FHIT: variants seen among roughly 807,000 people sequenced by gnomAD.
FHIT encodes bis(5'-adenosyl)-triphosphatase.
FHIT carries 19 observed loss-of-function variants against 17.9 expected under a neutral mutation model. That is an observed-to-expected ratio of 1.06 (90% CI 0.74 to 1.56). The LOEUF is 1.56. FHIT is among the 40% of genes most tolerant of loss of function. The probability of loss-of-function intolerance (pLI) is 0.00; values close to 1 mark genes in which losing one functional copy is unlikely to be tolerated. For missense variants in FHIT, 248 were observed against 189.2 expected, an observed-to-expected ratio of 1.31 and a Z score of -1.82; for synonymous variants, 81 against 69.7, an observed-to-expected ratio of 1.16 and a Z score of -0.81.
At chr3:60,382,768 T>C (rs1700860277) in intron 5 of FHIT, among the ~76,000 whole-genome samples, 1 of 152,148 alleles carries the variant, frequency 6.6e-6, no homozygotes, top group South Asian at 2.1e-4. Context: ...AAGAACTGTA[T>C]ACAACATATC....
At chr3:60,039,589 T>C (rs980657149) in intron 5 of FHIT, among the ~76,000 whole-genome samples, 2 of 152,362 alleles carry the variant, frequency 1.3e-5, no homozygotes, top group South Asian at 4.1e-4. Context: ...ATTGTATGTA[T>C]AAAGATGCAC....
chr3:60,904,774 T>C lies in FHIT; in HGVS notation c.-110-82763A>G, dbSNP rs543330760. On this transcript the variant is annotated intron_variant, in intron 3 of 9. Coordinates refer to ENST00000492590, the MANE Select transcript of FHIT (RefSeq NM_002012.4). ...GGCCAAGATGGTGAAACCCCATCTC[T>C]ACTAAAAATACAAAAATCAGCCAGG... 7.2e-5 allele frequency among the ~76,000 whole-genome samples: 11 copies of C among 151,804 alleles called. No homozygotes were observed. In the South Asian group the frequency reaches 2.3e-3, roughly 32 times the overall value.
intron 5 of FHIT, among the ~76,000 whole-genome samples, chr3:60,277,603 T>C (rs1707216489): frequency 6.6e-6 from 1 of 152,182 alleles, no homozygotes. Context: ...TCGCATGTTA[T>C]GTAAACATCA....
chr3:60,727,051 C>A (rs1230335496), intron 4 of FHIT, among the ~76,000 whole-genome samples: 1 of 152,122 alleles, frequency 6.6e-6, no homozygotes, highest in Middle Eastern at 3.2e-3. Flanking sequence ...CACTGCATTT[C>A]CACTGGGATT....
chr3:60,359,277 CTTTT>C (rs71089599), intron 5 of FHIT, among the ~76,000 whole-genome samples: 7 of 109,906 alleles, frequency 6.4e-5, no homozygotes, highest in African/African-American at 1.0e-4. Context: ...ATGAAAATAT[CTTTT>C]TTTTTTTTTT....
In FHIT at chr3:60,660,234, C is replaced by T. The variant is rs138586508; in HGVS notation, c.-17-123255G>A. Reference sequence around the variant, plus strand: ...GGGCTTGCAACAATGGAAGGAAATGCAACAACAATGGCCCCTGGCTCTGTC... The same window carrying T: ...GGGCTTGCAACAATGGAAGGAAATGTAACAACAATGGCCCCTGGCTCTGTC... On this transcript the variant is annotated intron_variant, in intron 4 of 9. Coordinates refer to ENST00000492590, the MANE Select transcript of FHIT (RefSeq NM_002012.4). Among the ~76,000 whole-genome samples the T allele has an allele frequency of 8.5e-3, 1,290 of 152,254 alleles. 8 individuals carry two copies. The highest frequency in any genetic ancestry group is 0.014 in the Non-Finnish European group (965 of 68,000).
chr3:60,642,058 A>G (rs2039737996), intron 4 of FHIT, among the ~76,000 whole-genome samples: 1 of 152,132 alleles, frequency 6.6e-6, no homozygotes. Context: ...CAGACCCTGA[A>G]AAACATGATG....
Position 60,014,158 on chromosome 3 carries a change from G to C in FHIT, c.104-6C>G, listed in dbSNP as rs201566637. 9.3e-5 allele frequency: 150 copies of C among 1,613,772 alleles called. No individual in the cohort carries two copies. The highest frequency in any genetic ancestry group is 1.2e-4 in the Non-Finnish European group (139 of 1,179,918). On this transcript the variant is annotated splice_region_variant and splice_polypyrimidine_tract_variant and intron_variant, in intron 5 of 9. Coordinates refer to ENST00000492590, the MANE Select transcript of FHIT (RefSeq NM_002012.4). Reference sequence around the variant, plus strand: ...CAGCGGGCACACAAGGACATCTGTAGCAAGGTCTGTTAAGGCCCATGCTGC... The same window carrying C: ...CAGCGGGCACACAAGGACATCTGTACCAAGGTCTGTTAAGGCCCATGCTGC...
At chr3:60,895,279 C>T (rs1553761618) in intron 3 of FHIT, among the ~76,000 whole-genome samples, 1 of 152,216 alleles carries the variant, frequency 6.6e-6, no homozygotes, top group African/African-American at 2.4e-5. Context: ...ATATCCTTCT[C>T]ATTGCATTAC....
At chr3:60,525,659 G>C (rs186764731) in intron 5 of FHIT, among the ~76,000 whole-genome samples, 1 of 152,118 alleles carries the variant, frequency 6.6e-6, no homozygotes, top group South Asian at 2.1e-4. Flanking sequence ...TAAAATTCTA[G>C]TCTTGGTTCT....
At chr3:60,630,526 A>G (rs1162145219) in intron 4 of FHIT, among the ~76,000 whole-genome samples, 1 of 152,236 alleles carries the variant, frequency 6.6e-6, no homozygotes, top group Admixed American at 6.5e-5. Flanking sequence ...AACACAAAAA[A>G]GGAGTCACTG....
chr3:60,199,226 G>A (rs928586387), intron 5 of FHIT, among the ~76,000 whole-genome samples: 3 of 152,122 alleles, frequency 2.0e-5, no homozygotes, highest in Non-Finnish European at 4.4e-5. Flanking sequence ...AACTAGTAGA[G>A]CAGCCTGAGA....
chr3:60,157,485 A>T (rs903758222), intron 5 of FHIT, among the ~76,000 whole-genome samples: 1 of 152,170 alleles, frequency 6.6e-6, no homozygotes, highest in Non-Finnish European at 1.5e-5. Context: ...TTCTGAAAAA[A>T]AATAATAATA....
intron 4 of FHIT, among the ~76,000 whole-genome samples, chr3:60,645,013 T>C (rs1372551046): frequency 6.6e-6 from 1 of 151,968 alleles, no homozygotes; most frequent in Admixed American, 6.5e-5. Context: ...TCTGCAGAGG[T>C]TTCCTGTTGG....
At chr3:60,627,813 C>CG (rs1219053578) in intron 4 of FHIT, among the ~76,000 whole-genome samples, 1 of 152,112 alleles carries the variant, frequency 6.6e-6, no homozygotes, top group Non-Finnish European at 1.5e-5. Flanking sequence ...TGAGCCACTG[C>CG]GCCTGGCCAG....
At chr3:60,095,049 C>T (rs1041997256) in intron 5 of FHIT, among the ~76,000 whole-genome samples, 4 of 152,070 alleles carry the variant, frequency 2.6e-5, no homozygotes, top group South Asian at 2.1e-4. Flanking sequence ...TGCAAATGAA[C>T]GCTTTGAATG....
At chr3:60,533,824 C>A (rs2035876816) in intron 5 of FHIT, among the ~76,000 whole-genome samples, 2 of 152,146 alleles carry the variant, frequency 1.3e-5, no homozygotes, top group South Asian at 2.1e-4. Context: ...CCTCAAAAAA[C>A]AGACATTCCT....
chr3:60,926,918 T>C (rs1393731657), intron 3 of FHIT, among the ~76,000 whole-genome samples: 2 of 151,558 alleles, frequency 1.3e-5, no homozygotes, highest in African/African-American at 2.4e-5. Flanking sequence ...CACAGAATAC[T>C]AAAAACACCT....
chr3:61,185,312 T>G (rs1170244082), intron 2 of FHIT, among the ~76,000 whole-genome samples: 1 of 152,184 alleles, frequency 6.6e-6, no homozygotes, highest in Non-Finnish European at 1.5e-5. Flanking sequence ...AGGGAGACAC[T>G]GATTATTTTC....
Sources: gnomAD v4.1 joint callset for allele counts (sites outside exome capture counted in the v4.1 genomes callset) on GRCh38, gnomAD v4.1.1 for gene constraint, MANE v1.5 for transcripts, NCBI Gene and HGNC (gene_info 2026-07-23, HGNC 2026-07-21) for gene names.